Variants in CNTN4 observed in about 807,000 individuals in gnomAD.
The protein encoded by CNTN4 is contactin-4.
CNTN4 carries 77 observed loss-of-function variants against 122.5 expected under a neutral mutation model. The observed-to-expected ratio is 0.63, with a 90% CI of 0.52 to 0.76. The LOEUF is 0.76. CNTN4 is among the 30% of genes least tolerant of loss of function. The pLI is 0.00. For missense variants in CNTN4, 1,256 were observed against 1,259.1 expected (o/e 1.00, Z 0.04); for synonymous variants, 512 against 447.0 (o/e 1.15, Z -1.83).
At chr3:2,270,594 TCTGTTAATATGCTCTGTGGCTA>T (rs2041254453) in intron 2 of CNTN4, among the ~76,000 whole-genome samples, 1 of 152,138 alleles carries the variant, frequency 6.6e-6, no homozygotes, top group Non-Finnish European at 1.5e-5. Context: ...GCCTAAAATA[TCTGTTAATATGCTCTGTGGCTA>T]CATGCTTACA....
At chr3:2,197,603 C>A (rs1396330120) in intron 2 of CNTN4, among the ~76,000 whole-genome samples, 3 of 152,002 alleles carry the variant, frequency 2.0e-5, no homozygotes, top group Admixed American at 2.0e-4. Flanking sequence ...ATGGTCAGAT[C>A]TGGATTTGAA....
At chr3:2,781,256 C>T (rs931402023) in intron 6 of CNTN4, among the ~76,000 whole-genome samples, 3 of 152,136 alleles carry the variant, frequency 2.0e-5, no homozygotes, top group Non-Finnish European at 2.9e-5. Context: ...TTCTTCATTC[C>T]TCCTTTTGAA....
At chr3:2,192,170 A>G (rs1180878219) in intron 2 of CNTN4, among the ~76,000 whole-genome samples, 1 of 152,124 alleles carries the variant, frequency 6.6e-6, no homozygotes, top group Non-Finnish European at 1.5e-5. Context: ...TGCTATTGTG[A>G]ATAGTGCCAC....
chr3:2,579,010 T>C (rs1194998852), intron 4 of CNTN4, among the ~76,000 whole-genome samples: 1 of 152,198 alleles, frequency 6.6e-6, no homozygotes, highest in African/African-American at 2.4e-5. Context: ...TTGAGGTAAA[T>C]AGAGGAACTG....
At chr3:2,340,734 G>GAGAGAGAGAGAGAC (rs1459111621) in intron 3 of CNTN4, among the ~76,000 whole-genome samples, 2 of 137,712 alleles carry the variant, frequency 1.5e-5, no homozygotes, top group Non-Finnish European at 3.2e-5. Flanking sequence ...GAGAGAGAGA[G>GAGAGAGAGAGAGAC]AGAGAGTCAG....
chr3:2,384,654 A>G (rs2046168628), intron 3 of CNTN4, among the ~76,000 whole-genome samples: 1 of 152,034 alleles, frequency 6.6e-6, no homozygotes, highest in Non-Finnish European at 1.5e-5. Context: ...CTTCTATGAC[A>G]CCTGAATAGG....
intron 6 of CNTN4, among the ~76,000 whole-genome samples, chr3:2,777,488 A>G (rs1241098865): frequency 6.6e-6 from 1 of 152,186 alleles, no homozygotes; most frequent in African/African-American, 2.4e-5. Flanking sequence ...TGGATTACCC[A>G]TCCAACATCA....
intron 6 of CNTN4, among the ~76,000 whole-genome samples, chr3:2,757,715 T>C (rs936492016): frequency 1.3e-5 from 2 of 152,214 alleles, no homozygotes; most frequent in South Asian, 2.1e-4. Flanking sequence ...ATGTCTATAA[T>C]ATATATTCAC....
Position 2,502,882 on chromosome 3 carries a change from T to C in CNTN4, c.-88-68534T>C, listed in dbSNP as rs561456037. Among the ~76,000 whole-genome samples, 17 of 152,166 alleles carry C rather than the reference T, an allele frequency of 1.1e-4. No individual in the cohort carries two copies. The South Asian group carries it at 3.1e-3, about 28-fold the overall frequency. On this transcript the variant is annotated intron_variant, in intron 3 of 24. Coordinates refer to ENST00000418658, the MANE Select transcript of CNTN4 (RefSeq NM_175607.3). ...GCTTTTATTATGATTATTCCTGTTA[T>C]CACTGATACTCATTACTAACTTCCC...
intron 4 of CNTN4, among the ~76,000 whole-genome samples, chr3:2,668,714 A>C (rs570044810): frequency 6.6e-6 from 1 of 152,280 alleles, no homozygotes; most frequent in South Asian, 2.1e-4. Context: ...ATTCAGTATG[A>C]TATTGGCTGT....
At chr3:2,895,837 A>T (rs538636454) in intron 10 of CNTN4, among the ~76,000 whole-genome samples, 22 of 152,284 alleles carry the variant, frequency 1.4e-4, no homozygotes, top group African/African-American at 5.1e-4. Flanking sequence ...GATCGAGACC[A>T]TCCTGGCTAA....
intron 4 of CNTN4, among the ~76,000 whole-genome samples, chr3:2,721,034 A>G (rs1293262747): frequency 1.3e-5 from 2 of 152,104 alleles, no homozygotes; most frequent in Non-Finnish European, 2.9e-5. Flanking sequence ...GTGCAGTGGC[A>G]TGATCTCGGC....
chr3:2,169,971 C>T (rs2036397024), intron 2 of CNTN4, among the ~76,000 whole-genome samples: 1 of 152,030 alleles, frequency 6.6e-6, no homozygotes, highest in Non-Finnish European at 1.5e-5. Flanking sequence ...GAGTTCACTA[C>T]ATGATGAGAG....
At chr3:2,246,560 G>C (rs2040160594) in intron 2 of CNTN4, among the ~76,000 whole-genome samples, 1 of 151,942 alleles carries the variant, frequency 6.6e-6, no homozygotes, top group Admixed American at 6.6e-5. Context: ...TGAAGTTGCA[G>C]AATTGTTAGT....
At chr3:2,101,278 T>C (rs1559240926) in intron 2 of CNTN4, among the ~76,000 whole-genome samples, 2 of 152,210 alleles carry the variant, frequency 1.3e-5, no homozygotes, top group Non-Finnish European at 2.9e-5. Flanking sequence ...CTGAAATGTA[T>C]ACAGGGCATC....
intron 6 of CNTN4, among the ~76,000 whole-genome samples, chr3:2,804,091 A>ACACACT (rs1553643778): frequency 6.9e-4 from 100 of 144,222 alleles, no homozygotes; most frequent in Non-Finnish European, 1.1e-3. Context: ...ACACACACAC[A>ACACACT]CACACACGTA....
intron 3 of CNTN4, 102 bp downstream of exon 3, chr3:2,339,335 A>G (rs572570426): frequency 6.6e-6 from 1 of 152,248 alleles, no homozygotes; most frequent in South Asian, 2.1e-4. Context: ...ACAGAGTGAT[A>G]GCATGAGATT....
chr3:2,594,510 C>T (rs2080667485), intron 4 of CNTN4, among the ~76,000 whole-genome samples: 2 of 151,724 alleles, frequency 1.3e-5, no homozygotes, highest in South Asian at 2.1e-4. Context: ...CCTCCCTCTC[C>T]CAGGCTCAAG....
rs1007202068 is a variant in CNTN4 at position 2,108,913 on chromosome 3, C to G, written c.-145+8274C>G. Among the ~76,000 whole-genome samples the G allele has an allele frequency of 5.1e-3, 774 of 152,256 alleles. 12 individuals carry two copies. Among genetic ancestry groups the G allele is most frequent in the African/African-American group, 0.018 (747 of 41,552 alleles). On this transcript the variant is annotated intron_variant, in intron 2 of 24. Coordinates refer to ENST00000418658, the MANE Select transcript of CNTN4 (RefSeq NM_175607.3). ...TGTTGTTATTCACTTTTAAGTATCT[C>G]TTGCCTAAAACATAGTAGATGCCAA...
Sources: gnomAD v4.1 joint callset for allele counts (sites outside exome capture counted in the v4.1 genomes callset) on GRCh38, gnomAD v4.1.1 for gene constraint, MANE v1.5 for transcripts, NCBI Gene and HGNC (gene_info 2026-07-23, HGNC 2026-07-21) for gene names.